TXNDC16: variants seen among roughly 807,000 people sequenced by gnomAD.
TXNDC16 encodes thioredoxin domain-containing protein 16.
A neutral mutation model predicts 85.6 loss-of-function variants in TXNDC16; 74 were observed. The ratio of observed to expected loss-of-function variants is 0.86; its 90% CI spans 0.72 to 1.05. The LOEUF is 1.05. Ranked by LOEUF, TXNDC16 falls within the 50% of genes least tolerant of loss-of-function variation. The pLI, the probability that TXNDC16 is intolerant of heterozygous loss-of-function variation, is 0.00. For missense variants in TXNDC16, 959 were observed against 947.0 expected, an observed-to-expected ratio of 1.01 and a Z score of -0.17; for synonymous variants, 335 against 326.5, an observed-to-expected ratio of 1.03 and a Z score of -0.28.
intron 6 of TXNDC16, among the ~76,000 whole-genome samples, chr14:52,524,702 C>T (rs1386959714): frequency 6.6e-6 from 1 of 152,036 alleles, no homozygotes; most frequent in African/African-American, 2.4e-5. Flanking sequence ...ATTGTATTGC[C>T]CAGGCTGGTC....
chr14:52,466,220 C>T (rs1054193256), intron 16 of TXNDC16, among the ~76,000 whole-genome samples: 12 of 151,024 alleles, frequency 7.9e-5, no homozygotes, highest in African/African-American at 2.7e-4. Context: ...CCATAGAACC[C>T]CATCTCTACT....
At chr14:52,483,087 T>G in intron 12 of TXNDC16, 122 bp from the exon 13 acceptor site, 3 of 793,456 alleles carry the variant, frequency 3.8e-6, no homozygotes, top group Non-Finnish European at 5.5e-6. Context: ...TCATCCTATC[T>G]TAATAGTTAG....
At chr14:52,486,192 T>C (rs1441985341) in intron 12 of TXNDC16, among the ~76,000 whole-genome samples, 1 of 151,944 alleles carries the variant, frequency 6.6e-6, no homozygotes, top group Admixed American at 6.6e-5. Context: ...CTAAATAAGC[T>C]ACCATCACTT....
At chr14:52,462,234 AT>A (rs903194483) in intron 16 of TXNDC16, among the ~76,000 whole-genome samples, 1 of 150,868 alleles carries the variant, frequency 6.6e-6, no homozygotes, top group Non-Finnish European at 1.5e-5. Context: ...TTTTGTTTAT[AT>A]TTTTTTTTAG....
intron 14 of TXNDC16, among the ~76,000 whole-genome samples, chr14:52,476,795 C>G (rs2036030223): frequency 6.6e-6 from 1 of 152,100 alleles, no homozygotes; most frequent in Non-Finnish European, 1.5e-5. Flanking sequence ...TGCTAGAGAA[C>G]TAGGCATCCA....
chr14:52,523,702 T>C (rs911013768), intron 6 of TXNDC16, among the ~76,000 whole-genome samples: 3 of 152,180 alleles, frequency 2.0e-5, no homozygotes, highest in Non-Finnish European at 2.9e-5. Flanking sequence ...TTCACAAATA[T>C]CATTCTTAGT....
intron 6 of TXNDC16, among the ~76,000 whole-genome samples, chr14:52,524,363 T>C (rs567978362): frequency 7.0e-4 from 106 of 152,374 alleles, no homozygotes; most frequent in African/African-American, 2.5e-3. Context: ...ATTTCTATTT[T>C]CTGACAAAAT....
chr14:52,552,196 G>A (rs1240183769), intron 1 of TXNDC16, 120 bp downstream of exon 1: 4 of 152,286 alleles, frequency 2.6e-5, no homozygotes, highest in Non-Finnish European at 5.9e-5. Context: ...CCAGAGACGG[G>A]TGTCTTAAGT....
chr14:52,536,829 A>C (rs770185265), intron 5 of TXNDC16, 36 bp from the exon 6 acceptor site: 153 of 1,488,444 alleles, frequency 1.0e-4, no homozygotes, highest in Non-Finnish European at 1.4e-4. Flanking sequence ...ATATTGAAAA[A>C]TACAAAAAAT....
intron 8 of TXNDC16, 86 bp from the exon 9 acceptor site, chr14:52,511,476 T>A: frequency 1.2e-6 from 1 of 843,584 alleles, no homozygotes; most frequent in South Asian, 3.3e-5. Flanking sequence ...AATTTTGTCT[T>A]AAGTCTCATG....
At chr14:52,444,082 GAAGAA>G (rs1566530100) in intron 18 of TXNDC16, among the ~76,000 whole-genome samples, 1 of 152,126 alleles carries the variant, frequency 6.6e-6, no homozygotes, top group Non-Finnish European at 1.5e-5. Context: ...ACAAAAGCCG[GAAGAA>G]AAGAGAATGT....
Position 52,431,345 on chromosome 14 carries a change from AGAG to A in TXNDC16, c.*956_*958del, listed in dbSNP as rs1428299798. On this transcript the variant is annotated 3_prime_UTR_variant, in exon 21 of 21. Coordinates refer to ENST00000281741, the MANE Select transcript of TXNDC16 (RefSeq NM_020784.3). ...TTTAGCCATATAACTTGTAGAAATA[AGAG>A]GAGGTTTTAAGACTCACTTAAAATA... 1 of 152,218 alleles carries A rather than the reference AGAG, an allele frequency of 6.6e-6. No homozygotes were observed. Among genetic ancestry groups the A allele is most frequent in the Non-Finnish European group, 1.5e-5 (1 of 68,034 alleles). The allele number at this position is 152,218 out of a possible 1,614,324, so 9.4% of individuals were successfully genotyped here. A position where few individuals can be genotyped will look rare whatever the true frequency, so the allele number is the denominator to read the frequency against.
chr14:52,542,548 A>C, intron 3 of TXNDC16, 95 bp from the exon 4 acceptor site: 1 of 771,528 alleles, frequency 1.3e-6, no homozygotes, highest in African/African-American at 1.7e-5. Context: ...TTGTCCAACT[A>C]GCATGCAACA....
intron 20 of TXNDC16, among the ~76,000 whole-genome samples, chr14:52,435,724 G>A (rs1183121511): frequency 6.6e-6 from 1 of 152,126 alleles, no homozygotes; most frequent in Non-Finnish European, 1.5e-5. Flanking sequence ...ACTTTGGGGG[G>A]CTGAGGAGGG....
chr14:52,532,443 A>T (rs1342074368), intron 6 of TXNDC16, among the ~76,000 whole-genome samples: 2 of 148,092 alleles, frequency 1.4e-5, no homozygotes, highest in African/African-American at 4.9e-5. Flanking sequence ...GTTCAAATCT[A>T]TTTTTTTTTT....
At chr14:52,513,219 C>G (rs2036997346) in intron 8 of TXNDC16, among the ~76,000 whole-genome samples, 1 of 152,156 alleles carries the variant, frequency 6.6e-6, no homozygotes, top group South Asian at 2.1e-4. Context: ...AATTAATATA[C>G]TAGCCTTAAC....
intron 1 of TXNDC16, among the ~76,000 whole-genome samples, chr14:52,546,405 G>T (rs920694550): frequency 6.6e-6 from 1 of 152,206 alleles, no homozygotes; most frequent in Non-Finnish European, 1.5e-5. Context: ...CATTACTATA[G>T]TTCTAGTTCT....
chr14:52,534,426 G>A (rs891237285), intron 6 of TXNDC16, among the ~76,000 whole-genome samples: 10 of 151,976 alleles, frequency 6.6e-5, no homozygotes, highest in Non-Finnish European at 1.3e-4. Context: ...TTTTAAGCTC[G>A]TCAGCTATCA....
chr14:52,444,543 A>G (rs750298226), intron 18 of TXNDC16, among the ~76,000 whole-genome samples: 1 of 152,158 alleles, frequency 6.6e-6, no homozygotes, highest in Non-Finnish European at 1.5e-5. Flanking sequence ...ATAGCTGTTC[A>G]GTATTAAGTT....
Sources: gnomAD v4.1 joint callset for allele counts (sites outside exome capture counted in the v4.1 genomes callset) on GRCh38, gnomAD v4.1.1 for gene constraint, MANE v1.5 for transcripts, NCBI Gene and HGNC (gene_info 2026-07-23, HGNC 2026-07-21) for gene names.